Variants in TCF12 observed in about 807,000 individuals in gnomAD.
TCF12 encodes transcription factor 12, also known as DNA-binding protein HTF4.
Under a neutral mutation model 86.0 loss-of-function variants are expected in TCF12, and 45 were observed. The ratio of observed to expected loss-of-function variants is 0.52; its 90% CI spans 0.41 to 0.67. The LOEUF is 0.67. Among genes scored for constraint, TCF12 ranks in the 30% least tolerant of loss-of-function variants. The pLI is 0.00. For missense variants in TCF12, 881 were observed against 859.9 expected, an observed-to-expected ratio of 1.02 and a Z score of -0.31; for synonymous variants, 330 against 299.6, an observed-to-expected ratio of 1.10 and a Z score of -1.05.
At position 57,181,215 on chromosome 15, in the gene TCF12, C is replaced by T. The variant is rs112500312; in HGVS notation, c.391-10943C>T. ...CAAGCCACTTAATAAAACCCAGTTCCGACAAAGTAAGCCTGTTTTTCAACA... is the reference window on the plus strand; with the variant it reads ...CAAGCCACTTAATAAAACCCAGTTCTGACAAAGTAAGCCTGTTTTTCAACA... On this transcript the variant is annotated intron_variant, in intron 6 of 20. Coordinates refer to ENST00000333725, the MANE Select transcript of TCF12 (RefSeq NM_207037.2). Among the ~76,000 whole-genome samples the T allele has an allele frequency of 7.9e-5, 12 of 152,062 alleles. 1 individual carries two copies. Among genetic ancestry groups the T allele is most frequent in the African/African-American group, 2.9e-4 (12 of 41,510 alleles).
intron 3 of TCF12, among the ~76,000 whole-genome samples, chr15:56,994,770 A>G (rs1276970683): frequency 6.6e-6 from 1 of 152,140 alleles, no homozygotes; most frequent in African/African-American, 2.4e-5. Flanking sequence ...AGGAAAAACT[A>G]AGAATATCTG....
chr15:57,208,708 A>C (rs368123651), intron 8 of TCF12, among the ~76,000 whole-genome samples: 2 of 150,044 alleles, frequency 1.3e-5, no homozygotes, highest in Non-Finnish European at 3.0e-5. Context: ...CTTAAAAAAA[A>C]ATTTTTTTTT....
chr15:57,052,595 C>T (rs1040881203), intron 3 of TCF12, among the ~76,000 whole-genome samples: 1 of 150,752 alleles, frequency 6.6e-6, no homozygotes, highest in African/African-American at 2.4e-5. Context: ...CGAGATTGCA[C>T]CATTGCACTC....
In TCF12 at chr15:57,008,687, AG is replaced by A. The variant is rs2064634019; in HGVS notation, c.149-55062del. Reference sequence around the variant, plus strand: ...GGTAGAGATTACAGAGGGAAACAAAAGTTTTCATCTCTACAGTCATTTCCAT... The same window carrying A: ...GGTAGAGATTACAGAGGGAAACAAAATTTTCATCTCTACAGTCATTTCCAT... On this transcript the variant is annotated intron_variant, in intron 3 of 20. Coordinates refer to ENST00000333725, the MANE Select transcript of TCF12 (RefSeq NM_207037.2). Among the ~76,000 whole-genome samples, 4 of 152,330 alleles carry A rather than the reference AG, an allele frequency of 2.6e-5. No individual in the cohort carries two copies. The South Asian group carries it at 8.3e-4, about 32-fold the overall frequency.
intron 3 of TCF12, among the ~76,000 whole-genome samples, chr15:56,973,933 C>T (rs1358915086): frequency 4.6e-5 from 7 of 152,018 alleles, no homozygotes; most frequent in East Asian, 1.9e-4. Flanking sequence ...GACAGGCTCA[C>T]GTTAAAGGTC....
intron 3 of TCF12, among the ~76,000 whole-genome samples, chr15:56,960,642 C>T (rs144868621): frequency 6.7e-4 from 101 of 151,576 alleles, no homozygotes; most frequent in African/African-American, 2.3e-3. Context: ...GTTGGCCAGG[C>T]TGGTCTCAAA....
At chr15:56,984,015 A>AAAAAAAAAAAAAAC in intron 3 of TCF12, among the ~76,000 whole-genome samples, 1 of 121,904 alleles carries the variant, frequency 8.2e-6, no homozygotes, top group Non-Finnish European at 1.6e-5. Flanking sequence ...AAAAAAAAAA[A>AAAAAAAAAAAAAAC]AGAAGAAGAA....
At chr15:57,275,748 G>T (rs2061371841) in intron 19 of TCF12, among the ~76,000 whole-genome samples, 1 of 152,050 alleles carries the variant, frequency 6.6e-6, no homozygotes, top group South Asian at 2.1e-4. Context: ...CTCCCCTTCT[G>T]ATTTGGGATG....
At chr15:57,237,171 G>GTA (rs1206982949) in intron 12 of TCF12, among the ~76,000 whole-genome samples, 3 of 151,926 alleles carry the variant, frequency 2.0e-5, no homozygotes, top group East Asian at 1.9e-4. Context: ...GTGTGTGTGT[G>GTA]TATATGTATG....
At chr15:57,167,517 C>T (rs1197487588) in intron 6 of TCF12, among the ~76,000 whole-genome samples, 2 of 151,758 alleles carry the variant, frequency 1.3e-5, no homozygotes, top group African/African-American at 4.8e-5. Flanking sequence ...CCCATGATTG[C>T]ACCACTGCTC....
At chr15:57,036,942 G>C (rs547639858) in intron 3 of TCF12, among the ~76,000 whole-genome samples, 4 of 152,230 alleles carry the variant, frequency 2.6e-5, no homozygotes, top group African/African-American at 9.6e-5. Flanking sequence ...TTTCCTTATA[G>C]TAAGTCAAAG....
intron 3 of TCF12, among the ~76,000 whole-genome samples, chr15:56,963,542 T>A (rs983263140): frequency 1.3e-5 from 2 of 152,158 alleles, no homozygotes; most frequent in African/African-American, 4.8e-5. Context: ...CTTTGCTTTA[T>A]TTTTTAGGAA....
chr15:57,247,998 A>G, intron 13 of TCF12: 1 of 719,994 alleles, frequency 1.4e-6, no homozygotes, highest in South Asian at 1.4e-5. Context: ...CCCCACCCCC[A>G]CAGTGGTGGC....
At chr15:57,152,284 A>G (rs1434702167) in intron 5 of TCF12, among the ~76,000 whole-genome samples, 1 of 152,242 alleles carries the variant, frequency 6.6e-6, no homozygotes. Context: ...CAAGAGAAAA[A>G]CAAAACAAAT....
intron 4 of TCF12, among the ~76,000 whole-genome samples, chr15:57,075,835 T>TCC (rs778545170): frequency 2.8e-4 from 14 of 50,008 alleles, no homozygotes; most frequent in African/African-American, 9.7e-4. Flanking sequence ...TCTCTCTCTC[T>TCC]TTTCTTTCTT....
chr15:57,232,272 AT>A lies in TCF12; in HGVS notation c.686-16del. Reference sequence around the variant, plus strand: ...AATTTTTAGCTAAGGAAAATTTTATATTTCTCTTTTTGTCTTAGATGGGACC... The same window carrying A: ...AATTTTTAGCTAAGGAAAATTTTATATTCTCTTTTTGTCTTAGATGGGACC... On this transcript the variant is annotated intron_variant, in intron 9 of 20. Transcript: ENST00000333725. 1 of 1,612,646 alleles carries A rather than the reference AT, an allele frequency of 6.2e-7. No homozygotes were observed. The highest frequency in any genetic ancestry group is 1.1e-5 in the South Asian group (1 of 90,722).
At chr15:57,239,720 A>G (rs116156609) in intron 12 of TCF12, among the ~76,000 whole-genome samples, 1,744 of 151,888 alleles carry the variant, frequency 0.011, 34 homozygotes, top group African/African-American at 0.036. Context: ...GTGTCTCCAG[A>G]GGGAAGGGTA....
chr15:57,223,559 G>A (rs1296707462), intron 8 of TCF12, among the ~76,000 whole-genome samples: 2 of 146,890 alleles, frequency 1.4e-5, no homozygotes, highest in South Asian at 4.3e-4. Flanking sequence ...TTTCAGATAC[G>A]TTTTAGCAAG....
intron 8 of TCF12, among the ~76,000 whole-genome samples, chr15:57,200,090 C>T (rs1432368624): frequency 2.7e-5 from 4 of 150,142 alleles, no homozygotes; most frequent in African/African-American, 9.8e-5. Context: ...CTGTCCAGGC[C>T]AGGATGGTCT....
Sources: allele counts gnomAD v4.1 joint callset (sites outside exome capture counted in the v4.1 genomes callset), GRCh38; gene constraint gnomAD v4.1.1; transcripts MANE v1.5; gene names NCBI Gene and HGNC (gene_info 2026-07-23, HGNC 2026-07-21).